Variants in IL1RAPL1 observed in about 807,000 individuals in gnomAD.
IL1RAPL1 encodes interleukin 1 receptor accessory protein like 1.
In IL1RAPL1, 3 loss-of-function variants were observed where a neutral mutation model predicts 48.4. The observed-to-expected ratio is 0.06, with a 90% CI of 0.03 to 0.16. IL1RAPL1 has a LOEUF of 0.16. Ranked by LOEUF, IL1RAPL1 falls within the 10% of genes least tolerant of loss-of-function variation. The pLI is 1.00. For synonymous variants in IL1RAPL1, 185 were observed against 187.7 expected (o/e 0.99, Z 0.12); for missense variants, 349 against 530.6 (o/e 0.66, Z 3.36).
At chrX:28,918,115 G>A (rs759526412) in intron 2 of IL1RAPL1, among the ~76,000 whole-genome samples, 1 of 112,158 alleles carries the variant, frequency 8.9e-6, no homozygotes, top group East Asian at 2.8e-4. Flanking sequence ...CATATTGACA[G>A]TCAATTTGAC....
intron 1 of IL1RAPL1, among the ~76,000 whole-genome samples, chrX:28,664,002 A>G (rs1934848243): frequency 8.9e-6 from 1 of 112,173 alleles, no homozygotes. Flanking sequence ...GCATCTTGAC[A>G]TAACCCTGGA....
chrX:29,140,837 C>A (rs73210086), intron 2 of IL1RAPL1, among the ~76,000 whole-genome samples: 1 of 110,667 alleles, frequency 9.0e-6, no homozygotes. Context: ...CTAATTCCAT[C>A]GATGAAGGTG....
chrX:28,962,583 C>A (rs1286927528), intron 2 of IL1RAPL1, among the ~76,000 whole-genome samples: 1 of 110,295 alleles, frequency 9.1e-6, no homozygotes, highest in South Asian at 3.8e-4. Context: ...ATGTATTAAC[C>A]GACTGTAGAT....
chrX:29,803,209 GTATATATGTATA>G (rs1569173873), intron 6 of IL1RAPL1, among the ~76,000 whole-genome samples: 18 of 34,287 alleles, frequency 5.2e-4, no homozygotes, highest in Non-Finnish European at 7.6e-4. Flanking sequence ...ATACACACAT[GTATATATGTATA>G]CATATACACA....
At chrX:28,999,039 T>C (rs1361252176) in intron 2 of IL1RAPL1, among the ~76,000 whole-genome samples, 1 of 111,801 alleles carries the variant, frequency 8.9e-6, no homozygotes, top group African/African-American at 3.3e-5. Context: ...CATAATGAAC[T>C]TGACTTTTCA....
chrX:28,780,232 A>T (rs1936406238), intron 1 of IL1RAPL1, among the ~76,000 whole-genome samples: 1 of 110,205 alleles, frequency 9.1e-6, no homozygotes, highest in African/African-American at 3.3e-5. Context: ...CTTGTTTCAG[A>T]TTCTCAAATG....
intron 6 of IL1RAPL1, among the ~76,000 whole-genome samples, chrX:29,829,742 C>T (rs1930829373): frequency 9.0e-6 from 1 of 111,371 alleles, no homozygotes; most frequent in South Asian, 3.8e-4. Context: ...CTACAAAGTA[C>T]CAAAAATTAT....
intron 2 of IL1RAPL1, among the ~76,000 whole-genome samples, chrX:29,021,427 TTAA>T (rs1252350408): frequency 9.0e-6 from 1 of 110,902 alleles, no homozygotes; most frequent in Non-Finnish European, 1.9e-5. Context: ...TTTCCCATTG[TTAA>T]TAATTCTACA....
At chrX:29,874,672 C>A (rs966319144) in intron 6 of IL1RAPL1, among the ~76,000 whole-genome samples, 8 of 112,396 alleles carry the variant, frequency 7.1e-5, no homozygotes, top group Non-Finnish European at 1.3e-4. Context: ...AGATTCAGAT[C>A]AAAAACCAAT....
intron 2 of IL1RAPL1, among the ~76,000 whole-genome samples, chrX:28,957,430 C>A (rs140020691): frequency 9.0e-6 from 1 of 111,311 alleles, no homozygotes; most frequent in African/African-American, 3.3e-5. Context: ...TTTAATCAAG[C>A]GCTTCTCAAG....
At chrX:29,088,211 A>G (rs934255972) in intron 2 of IL1RAPL1, among the ~76,000 whole-genome samples, 21 of 112,272 alleles carry the variant, frequency 1.9e-4, no homozygotes, top group African/African-American at 4.9e-4. Flanking sequence ...GCAATTATCA[A>G]AGAAAATCAA....
At chrX:29,040,620 A>G (rs191780868) in intron 2 of IL1RAPL1, among the ~76,000 whole-genome samples, 177 of 112,391 alleles carry the variant, frequency 1.6e-3, no homozygotes, top group African/African-American at 5.6e-3. Flanking sequence ...CTTTATTAAA[A>G]TCCATGAATT....
chrX:29,537,835 T>G (rs1921288220), intron 5 of IL1RAPL1, among the ~76,000 whole-genome samples: 1 of 111,865 alleles, frequency 8.9e-6, no homozygotes, highest in Non-Finnish European at 1.9e-5. Flanking sequence ...TCAGTCTGAC[T>G]TAAAATTGAA....
At chrX:29,661,449 A>G (rs974751208) in intron 5 of IL1RAPL1, among the ~76,000 whole-genome samples, 4 of 112,309 alleles carry the variant, frequency 3.6e-5, no homozygotes, top group Admixed American at 1.9e-4. Context: ...AGTGAAGGAT[A>G]GTAGAGATTA....
Position 29,407,878 on chromosome X carries a change from A to G in IL1RAPL1, c.703+8570A>G, listed in dbSNP as rs1328436145. Among the ~76,000 whole-genome samples, 5 of 112,561 alleles carry G rather than the reference A, an allele frequency of 4.4e-5. No individual in the cohort carries two copies. In the Admixed American group the frequency reaches 4.7e-4, roughly 11 times the overall value. On this transcript the variant is annotated intron_variant, in intron 5 of 10. Coordinates refer to ENST00000378993, the MANE Select transcript of IL1RAPL1 (RefSeq NM_014271.4). ...TACACATTATGATTTCTTAAAGATT[A>G]TAAAATATAATTTGATATGCATAAA... is the stretch of plus-strand genomic sequence containing the variant.
intron 2 of IL1RAPL1, among the ~76,000 whole-genome samples, chrX:29,244,407 A>C (rs925754984): frequency 4.4e-5 from 5 of 112,534 alleles, no homozygotes; most frequent in Non-Finnish European, 1.9e-5. Flanking sequence ...TTTTAAATTC[A>C]TTGAATAGAT....
chrX:28,644,963 A>G (rs1934590173), intron 1 of IL1RAPL1, among the ~76,000 whole-genome samples: 2 of 111,502 alleles, frequency 1.8e-5, no homozygotes, highest in South Asian at 7.6e-4. Context: ...TAAAGGCTGA[A>G]AACAAGAAGG....
chrX:28,887,974 C>T (rs1922682554), intron 2 of IL1RAPL1, among the ~76,000 whole-genome samples: 1 of 111,589 alleles, frequency 9.0e-6, no homozygotes, highest in Non-Finnish European at 1.9e-5. Context: ...GACCATAAAT[C>T]AGCTTTTCTA....
intron 5 of IL1RAPL1, among the ~76,000 whole-genome samples, chrX:29,566,115 A>G (rs964360430): frequency 5.6e-4 from 62 of 111,166 alleles, no homozygotes; most frequent in Non-Finnish European, 1.5e-4. Context: ...CACCCGGCTA[A>G]TTTTTTGTAG....
Sources: allele counts gnomAD v4.1 joint callset (sites outside exome capture counted in the v4.1 genomes callset), GRCh38; gene constraint gnomAD v4.1.1; transcripts MANE v1.5; gene names NCBI Gene and HGNC (gene_info 2026-07-23, HGNC 2026-07-21).